The following NPC1 variants were observed in gnomAD, a reference collection of about 807,000 sequenced individuals.
NPC1 encodes NPC intracellular cholesterol transporter 1.
NPC1 carries 85 observed loss-of-function variants against 140.4 expected under a neutral mutation model. The ratio of observed to expected loss-of-function variants is 0.61; its 90% CI spans 0.51 to 0.72. The LOEUF is 0.72. Ranked by LOEUF, NPC1 falls within the 30% of genes least tolerant of loss-of-function variation. The probability of loss-of-function intolerance (pLI) is 0.00; values close to 1 mark genes in which losing one functional copy is unlikely to be tolerated. For synonymous variants in NPC1, 656 were observed against 624.8 expected (o/e 1.05, Z -0.74); for missense variants, 1,504 against 1,623.8 (o/e 0.93, Z 1.27).
chr18:23,531,779 A>G lies in NPC1; in HGVS notation c.*423T>C. ...GCATTAATAAAGCTCTTTAAACTAT[A>G]AAATGTTATAAAGTGTATCTACAAC... On this transcript the variant is annotated 3_prime_UTR_variant, in exon 25 of 25. Transcript: ENST00000269228. 1 of 1,562,580 alleles carries G rather than the reference A, an allele frequency of 6.4e-7. No individual in the cohort carries two copies.
intron 3 of NPC1, among the ~76,000 whole-genome samples, chr18:23,507,234 A>G (rs1284119126): frequency 6.6e-6 from 1 of 152,230 alleles, no homozygotes; most frequent in African/African-American, 2.4e-5. Context: ...TGGGTTAAAA[A>G]AATGACCTTA....
chr18:23,544,123 A>G (rs2058750040), intron 13 of NPC1, among the ~76,000 whole-genome samples: 1 of 152,212 alleles, frequency 6.6e-6, no homozygotes, highest in Admixed American at 6.5e-5. Context: ...ACAATTTAAA[A>G]CACAATTCTT....
At position 23,533,496 on chromosome 18, in the gene NPC1, T is replaced by C; in HGVS notation, c.3613A>G (p.Thr1205Ala). The C allele has an allele frequency of 6.2e-7, 1 of 1,614,192 alleles. No homozygotes were observed. Among genetic ancestry groups the C allele is most frequent in the Non-Finnish European group, 8.5e-7 (1 of 1,180,010 alleles). The change falls in exon 24 of 25, where the codon ACA (threonine) becomes GCA (alanine). Residue 1205 changes from threonine to alanine, a missense_variant. Physicochemically the swap from Thr to Ala is moderately conservative, Grantham distance 58. Transcript: ENST00000269228. Reference sequence around the variant, plus strand: ...AACACCACAATCCCTCCAAATTTTGTAAGTGTGATTCCACTGAACACCTAA... The same window carrying C: ...AACACCACAATCCCTCCAAATTTTGCAAGTGTGATTCCACTGAACACCTAA... ...GSSVFSGITL[T>A]KFGGIVVLAF...
chr18:23,540,615 C>T (rs1417550272), intron 16 of NPC1, 78 bp from the exon 17 acceptor site: 4 of 1,073,460 alleles, frequency 3.7e-6, no homozygotes, highest in Non-Finnish European at 4.3e-6. Flanking sequence ...CTTAAGCACA[C>T]ACAAAAAGCA....
chr18:23,542,746 T>G (rs985537886), intron 14 of NPC1, among the ~76,000 whole-genome samples: 1 of 152,250 alleles, frequency 6.6e-6, no homozygotes, highest in Non-Finnish European at 1.5e-5. Flanking sequence ...AAACATCTTG[T>G]AAGCGAGTGC....
chr18:23,579,744 G>A (rs993117457), intron 1 of NPC1, among the ~76,000 whole-genome samples: 2 of 152,076 alleles, frequency 1.3e-5, no homozygotes, highest in African/African-American at 2.4e-5. Flanking sequence ...CAAAAAATTA[G>A]CCGGGCATGG....
chr18:23,507,950 C>T, intron 3 of NPC1: 2 of 1,600,448 alleles, frequency 1.2e-6, no homozygotes, highest in Non-Finnish European at 1.7e-6. Flanking sequence ...CTGCCTAATC[C>T]AAATTTGTGT....
chr18:23,538,422 G>C, intron 20 of NPC1, 120 bp downstream of exon 20: 1 of 1,245,804 alleles, frequency 8.0e-7, no homozygotes, highest in Non-Finnish European at 1.2e-6. Flanking sequence ...AAAGGACCAG[G>C]ACAGGGTGGG....
chr18:23,512,111 C>G (rs1232266183), intron 3 of NPC1, among the ~76,000 whole-genome samples: 3 of 151,126 alleles, frequency 2.0e-5, no homozygotes, highest in African/African-American at 7.3e-5. Flanking sequence ...ACCTCCACCT[C>G]CTGGGTTCAA....
intron 1 of NPC1, among the ~76,000 whole-genome samples, chr18:23,575,473 G>A (rs1170364517): frequency 1.3e-5 from 2 of 152,140 alleles, no homozygotes; most frequent in South Asian, 2.1e-4. Context: ...ACGTAACCAC[G>A]TAGGAGTTTT....
chr18:23,559,250 G>A (rs533611801), intron 6 of NPC1, among the ~76,000 whole-genome samples: 53 of 152,172 alleles, frequency 3.5e-4, no homozygotes, highest in Non-Finnish European at 5.7e-4. Flanking sequence ...TAATGGGATG[G>A]CTGGGTCAAA....
intron 8 of NPC1, 47 bp from the exon 9 acceptor site, chr18:23,555,031 TTC>T (rs776652218): frequency 8.3e-7 from 1 of 1,206,704 alleles, no homozygotes; most frequent in Admixed American, 1.8e-5. Flanking sequence ...CACGTCACAT[TTC>T]TCTCAGATCT....
intron 24 of NPC1, 35 bp downstream of exon 24, chr18:23,533,320 C>G: frequency 6.3e-7 from 1 of 1,593,162 alleles, no homozygotes; most frequent in South Asian, 1.1e-5. Flanking sequence ...TAATGTCCTT[C>G]TATTGTGCCA....
At chr18:23,558,884 C>A (rs996258863) in intron 6 of NPC1, among the ~76,000 whole-genome samples, 2 of 152,170 alleles carry the variant, frequency 1.3e-5, no homozygotes, top group South Asian at 4.1e-4. Context: ...GCCCCCACCC[C>A]ACAACAGTCC....
At chr18:23,578,975 G>C (rs1316945187) in intron 1 of NPC1, among the ~76,000 whole-genome samples, 3 of 152,198 alleles carry the variant, frequency 2.0e-5, no homozygotes, top group Non-Finnish European at 4.4e-5. Context: ...CCGGAACAAT[G>C]CTCAAAGTTT....
chr18:23,568,713 T>C (rs1057317578), intron 4 of NPC1, 110 bp downstream of exon 4: 1 of 860,534 alleles, frequency 1.2e-6, no homozygotes, highest in Non-Finnish European at 2.0e-6. Context: ...TCCTGGCCAA[T>C]GGAACTGAAA....
rs1598939208 is a variant in NPC1 at position 23,536,632 on chromosome 18, C to A, written c.3245+41G>T. 1.9e-6 allele frequency: 3 copies of A among 1,574,572 alleles called. No individual in the cohort carries two copies. The East Asian group carries it at 6.8e-5, about 36-fold the overall frequency. ...CTCCCCACTCCCACCCAGTGTAGGCCCTTTGCTGGGTAAACCCCATTGAAA... is the reference window on the plus strand; with the variant it reads ...CTCCCCACTCCCACCCAGTGTAGGCACTTTGCTGGGTAAACCCCATTGAAA... On this transcript the variant is annotated intron_variant, in intron 21 of 24. Coordinates refer to ENST00000269228, the MANE Select transcript of NPC1 (RefSeq NM_000271.5).
downstream of NPC1, chr18:23,530,407 T>C (rs1283551451): frequency 6.2e-7 from 1 of 1,614,240 alleles, no homozygotes; most frequent in African/African-American, 1.3e-5. Context: ...CAGCAAATGA[T>C]GAAATAGTAG....
chr18:23,511,924 A>G (rs1450329621), intron 3 of NPC1, among the ~76,000 whole-genome samples: 39 of 151,962 alleles, frequency 2.6e-4, no homozygotes, highest in Non-Finnish European at 1.3e-4. Context: ...GTGTATTTTC[A>G]CTAGCAATAT....
Sources: gnomAD v4.1 joint callset for allele counts (sites outside exome capture counted in the v4.1 genomes callset) on GRCh38, gnomAD v4.1.1 for gene constraint, MANE v1.5 for transcripts, NCBI Gene and HGNC (gene_info 2026-07-23, HGNC 2026-07-21) for gene names.